Variants in VTI1A observed in about 807,000 individuals in gnomAD.
VTI1A encodes the protein vesicle transport through interaction with t-SNAREs homolog 1A.
Under a neutral mutation model 34.9 loss-of-function variants are expected in VTI1A, and 22 were observed. The observed-to-expected ratio is 0.63, with a 90% CI of 0.45 to 0.90. The LOEUF is 0.90. VTI1A is among the 40% of genes least tolerant of loss of function. The pLI, the probability that VTI1A is intolerant of heterozygous loss-of-function variation, is 0.00. For synonymous variants in VTI1A, 87 were observed against 97.3 expected, an observed-to-expected ratio of 0.89 and a Z score of 0.62; for missense variants, 268 against 275.6, an observed-to-expected ratio of 0.97 and a Z score of 0.20.
chr10:112,484,796 A>G (rs1348978227), intron 3 of VTI1A, among the ~76,000 whole-genome samples: 2 of 151,714 alleles, frequency 1.3e-5, no homozygotes, highest in African/African-American at 2.4e-5. Context: ...AGAAACATCT[A>G]TAATAAATGA....
chr10:112,744,459 CTT>C (rs11400561), intron 7 of VTI1A, among the ~76,000 whole-genome samples: 16 of 126,064 alleles, frequency 1.3e-4, no homozygotes, highest in Non-Finnish European at 1.5e-4. Context: ...CTTCTTCTTC[CTT>C]TTTTTTTTTT....
At chr10:112,617,947 G>A (rs1368535634) in intron 5 of VTI1A, among the ~76,000 whole-genome samples, 4 of 152,052 alleles carry the variant, frequency 2.6e-5, no homozygotes, top group African/African-American at 4.8e-5. Context: ...CGAGGTCAGC[G>A]GTTCGAGACC....
At chr10:112,670,800 T>A (rs779204713) in intron 7 of VTI1A, among the ~76,000 whole-genome samples, 4 of 152,192 alleles carry the variant, frequency 2.6e-5, no homozygotes, top group African/African-American at 7.2e-5. Flanking sequence ...TCTTTTGGGA[T>A]GTGTCTAGAG....
chr10:112,601,338 A>G (rs1178783276), intron 5 of VTI1A, among the ~76,000 whole-genome samples: 1 of 152,164 alleles, frequency 6.6e-6, no homozygotes, highest in Non-Finnish European at 1.5e-5. Context: ...AAGTTCAATA[A>G]AAACTGGTTG....
At chr10:112,713,196 C>T (rs926640759) in intron 7 of VTI1A, among the ~76,000 whole-genome samples, 4 of 152,106 alleles carry the variant, frequency 2.6e-5, no homozygotes, top group Admixed American at 6.5e-5. Flanking sequence ...CTGACCACCA[C>T]GATGCATGCA....
At chr10:112,616,798 C>T (rs988350702) in intron 5 of VTI1A, among the ~76,000 whole-genome samples, 6 of 151,960 alleles carry the variant, frequency 3.9e-5, no homozygotes, top group Admixed American at 3.9e-4. Context: ...AAAAGCAGAT[C>T]TGAGAAAGCT....
intron 7 of VTI1A, among the ~76,000 whole-genome samples, chr10:112,770,400 C>CTT (rs746161033): frequency 6.9e-6 from 1 of 144,020 alleles, no homozygotes. Context: ...TTTCTTTTTT[C>CTT]TTTTTTTTTT....
At chr10:112,766,777 G>A (rs1851661488) in intron 7 of VTI1A, among the ~76,000 whole-genome samples, 1 of 152,176 alleles carries the variant, frequency 6.6e-6, no homozygotes, top group African/African-American at 2.4e-5. Flanking sequence ...TTAGCTGGGG[G>A]CAAAGGAAAT....
intron 5 of VTI1A, among the ~76,000 whole-genome samples, chr10:112,661,969 G>A (rs1357512701): frequency 1.3e-5 from 2 of 151,746 alleles, no homozygotes; most frequent in African/African-American, 2.4e-5. Context: ...ACAGTGTTTC[G>A]CCATGTTGAC....
chr10:112,825,009 G>A, the VTI1A span: 3 of 152,252 alleles, frequency 2.0e-5, no homozygotes, highest in African/African-American at 7.2e-5. Context: ...GGTGTCACAG[G>A]TGTGTGACCA....
At chr10:112,582,151 C>G (rs1216091799) in intron 5 of VTI1A, among the ~76,000 whole-genome samples, 2 of 152,118 alleles carry the variant, frequency 1.3e-5, no homozygotes, top group Admixed American at 1.3e-4. Flanking sequence ...GGTGAGGACT[C>G]TCTTCCTGGC....
At chr10:112,834,337 G>A in the VTI1A span, among the ~76,000 whole-genome samples, 1,277 of 152,264 alleles carry the variant, frequency 8.4e-3, 9 homozygotes, top group Middle Eastern at 0.054. Flanking sequence ...CTAGGAATAC[G>A]GATGGGAATA....
At chr10:112,784,760 C>A (rs1852233319) in intron 7 of VTI1A, among the ~76,000 whole-genome samples, 1 of 152,178 alleles carries the variant, frequency 6.6e-6, no homozygotes, top group Admixed American at 6.5e-5. Flanking sequence ...ATAGATACTT[C>A]CCCTGTTTTA....
chr10:112,806,546 A>G (rs575241687), intron 7 of VTI1A, among the ~76,000 whole-genome samples: 3 of 151,566 alleles, frequency 2.0e-5, no homozygotes, highest in East Asian at 3.9e-4. Context: ...TCCGCCTCCC[A>G]AAGTGCTGGG....
intron 1 of VTI1A, among the ~76,000 whole-genome samples, chr10:112,457,636 C>G (rs185389317): frequency 1.3e-3 from 195 of 152,210 alleles, no homozygotes; most frequent in Non-Finnish European, 2.4e-3. Context: ...GGAAATATAT[C>G]AGCGTTAGAG....
downstream of VTI1A, among the ~76,000 whole-genome samples, chr10:112,819,308 G>A (rs1853607208): frequency 6.6e-6 from 1 of 152,148 alleles, no homozygotes; most frequent in South Asian, 2.1e-4. Context: ...GAGTGGAGGT[G>A]GCTTTCCTGG....
At chr10:112,781,390 A>T (rs1240117039) in intron 7 of VTI1A, among the ~76,000 whole-genome samples, 1 of 152,176 alleles carries the variant, frequency 6.6e-6, no homozygotes, top group African/African-American at 2.4e-5. Context: ...TCAGAGACCC[A>T]TGTCAGCATC....
intron 7 of VTI1A, among the ~76,000 whole-genome samples, chr10:112,792,783 T>G (rs1852530823): frequency 6.6e-6 from 1 of 152,154 alleles, no homozygotes. Flanking sequence ...AGAAAAAAAG[T>G]TTTTTTGAAC....
chr10:112,716,949 C>T (rs1849632173), intron 7 of VTI1A, among the ~76,000 whole-genome samples: 1 of 152,208 alleles, frequency 6.6e-6, no homozygotes, highest in Non-Finnish European at 1.5e-5. Context: ...TCCCCACCAC[C>T]CCAAGAGCCC....
Sources: allele counts gnomAD v4.1 joint callset (sites outside exome capture counted in the v4.1 genomes callset), GRCh38; gene constraint gnomAD v4.1.1; transcripts MANE v1.5; gene names NCBI Gene and HGNC (gene_info 2026-07-23, HGNC 2026-07-21).